The following RNLS variants were observed in gnomAD, a reference collection of about 807,000 sequenced individuals.
The protein encoded by RNLS is renalase, FAD dependent amine oxidase.
In RNLS, 39 loss-of-function variants were observed where a neutral mutation model predicts 39.8. The observed-to-expected ratio is 0.98, with a 90% CI of 0.76 to 1.28. The LOEUF is 1.28. Among genes scored for constraint, RNLS ranks in the 50% most tolerant of loss-of-function variants. The pLI, the probability that RNLS is intolerant of heterozygous loss-of-function variation, is 0.00. For missense variants in RNLS, 410 were observed against 413.3 expected (o/e 0.99, Z 0.07); for synonymous variants, 147 against 150.7 (o/e 0.98, Z 0.18).
chr10:88,377,352 CAATTA>C (rs1472641844), intron 4 of RNLS, among the ~76,000 whole-genome samples: 3 of 151,924 alleles, frequency 2.0e-5, no homozygotes, highest in African/African-American at 7.3e-5. Context: ...GGAAAAAATG[CAATTA>C]AATTTATGTT....
rs537334011 is a variant in RNLS at position 88,557,545 on chromosome 10, T to C, written c.526+15358A>G. ...TACAAAACTACTTATATAAGATACATTTGTGAAGAAAAAAAACAAATTTGG... is the reference window on the plus strand; with the variant it reads ...TACAAAACTACTTATATAAGATACACTTGTGAAGAAAAAAAACAAATTTGG... On this transcript the variant is annotated intron_variant, in intron 4 of 6. Coordinates refer to ENST00000331772, the MANE Select transcript of RNLS (RefSeq NM_001031709.3). 2.6e-5 allele frequency among the ~76,000 whole-genome samples: 4 copies of C among 152,244 alleles called. No individual in the cohort carries two copies. The East Asian group carries it at 7.7e-4, about 29-fold the overall frequency.
chr10:88,303,846 AG>A (rs1199311371), intron 6 of RNLS, among the ~76,000 whole-genome samples: 2 of 152,182 alleles, frequency 1.3e-5, no homozygotes, highest in Non-Finnish European at 2.9e-5. Flanking sequence ...CCCTGCCCCC[AG>A]GCCAAGACCA....
intron 4 of RNLS, among the ~76,000 whole-genome samples, chr10:88,447,133 A>G (rs1258237743): frequency 6.6e-6 from 1 of 152,224 alleles, no homozygotes; most frequent in African/African-American, 2.4e-5. Context: ...CACCATTCCT[A>G]TTCAACACAG....
intron 6 of RNLS, among the ~76,000 whole-genome samples, chr10:88,300,047 T>C (rs1469548325): frequency 6.6e-6 from 1 of 152,172 alleles, no homozygotes; most frequent in African/African-American, 2.4e-5. Context: ...ACTCAAAAAA[T>C]TACTGCAGTG....
the RNLS span, among the ~76,000 whole-genome samples, chr10:88,262,649 C>G: frequency 3.9e-5 from 6 of 152,140 alleles, no homozygotes; most frequent in African/African-American, 1.4e-4. Context: ...TAGGCACTAC[C>G]AAGCTTACTC....
chr10:88,415,906 C>G (rs1012691843), intron 4 of RNLS, among the ~76,000 whole-genome samples: 1 of 152,164 alleles, frequency 6.6e-6, no homozygotes, highest in African/African-American at 2.4e-5. Context: ...GTTTTCTCCT[C>G]CCTGTGACTG....
intron 4 of RNLS, among the ~76,000 whole-genome samples, chr10:88,381,369 T>A (rs1428968185): frequency 6.6e-6 from 1 of 151,564 alleles, no homozygotes; most frequent in Non-Finnish European, 1.5e-5. Flanking sequence ...TATTCCTAGG[T>A]AGTCTGTTGT....
intron 6 of RNLS, among the ~76,000 whole-genome samples, chr10:88,310,801 CA>C (rs577838661): frequency 0.011 from 221 of 19,594 alleles, 1 homozygote; most frequent in East Asian, 0.071. Context: ...CTACCTCTGC[CA>C]AAAAAAAAAA....
intron 4 of RNLS, among the ~76,000 whole-genome samples, chr10:88,479,421 T>C (rs1192545429): frequency 6.6e-5 from 10 of 152,210 alleles, no homozygotes; most frequent in Admixed American, 5.9e-4. Context: ...GAAAATTATA[T>C]ACAGTTTTCT....
the RNLS span, among the ~76,000 whole-genome samples, chr10:88,185,600 T>C: frequency 6.6e-6 from 1 of 152,142 alleles, no homozygotes; most frequent in Non-Finnish European, 1.5e-5. Flanking sequence ...ATGTCTATTT[T>C]GGTCCATTTT....
rs557303398 is a variant in RNLS, at chr10:88,487,944, A to G, written c.526+84959T>C. Among the ~76,000 whole-genome samples, 11 of 152,330 alleles carry G rather than the reference A, an allele frequency of 7.2e-5. No individual in the cohort carries two copies. In the South Asian group the frequency reaches 2.3e-3, roughly 32 times the overall value. On this transcript the variant is annotated intron_variant, in intron 4 of 6. Transcript: ENST00000331772. ...AATAATGCAGATGATTCCTCAAATT[A>G]TTGTGAGTAAAGAACTAAGACAAGA...
intron 4 of RNLS, among the ~76,000 whole-genome samples, chr10:88,428,367 T>A (rs533147110): frequency 1.3e-5 from 2 of 151,962 alleles, no homozygotes; most frequent in South Asian, 4.1e-4. Flanking sequence ...TTCATTTACC[T>A]TTCTCAAATT....
At chr10:88,573,361 G>C (rs1372890146) in intron 3 of RNLS, among the ~76,000 whole-genome samples, 1 of 152,182 alleles carries the variant, frequency 6.6e-6, no homozygotes, top group African/African-American at 2.4e-5. Flanking sequence ...TATGCCAGCT[G>C]CTTGGTACAC....
At chr10:88,442,053 G>T (rs575099800) in intron 4 of RNLS, among the ~76,000 whole-genome samples, 2 of 152,324 alleles carry the variant, frequency 1.3e-5, no homozygotes, top group South Asian at 2.1e-4. Context: ...AGGAGGCTGG[G>T]AACATTTCTT....
chr10:88,248,674 G>T, the RNLS span, among the ~76,000 whole-genome samples: 1 of 152,122 alleles, frequency 6.6e-6, no homozygotes, highest in East Asian at 1.9e-4. Flanking sequence ...GGTGGGGTCA[G>T]CCCCTTTGGT....
chr10:88,177,714 A>G, the RNLS span, among the ~76,000 whole-genome samples: 5 of 152,208 alleles, frequency 3.3e-5, no homozygotes, highest in Admixed American at 6.5e-5. Flanking sequence ...CACTTCTTCC[A>G]ATTCTATAGA....
intron 5 of RNLS, among the ~76,000 whole-genome samples, chr10:88,353,639 T>C (rs1260064973): frequency 6.6e-6 from 1 of 152,232 alleles, no homozygotes; most frequent in Non-Finnish European, 1.5e-5. Context: ...AACTATGTGG[T>C]CAATTTTGGA....
chr10:88,583,139 C>T lies in RNLS; in HGVS notation c.52G>A (p.Ala18Thr). Residue 18 changes from alanine (A) to threonine (T), a missense_variant, in exon 1 of 7, where the codon GCG becomes ACG. By Grantham distance (58) the Ala-to-Thr change is moderately conservative (BLOSUM62 0). Coordinates refer to ENST00000331772, the MANE Select transcript of RNLS (RefSeq NM_001031709.3). The stretch of plus-strand genomic sequence containing the variant: ...CCGGACGTCTGCCTCCTCAGCAGCG[C>T]AGCGCACAAGCTTCCTGTCATCCCG... ...GAGMTGSLCA[A>T]LLRRQTSGPL... The T allele has an allele frequency of 1.9e-6, 3 of 1,614,102 alleles. No individual in the cohort carries two copies. The highest frequency in any genetic ancestry group is 2.2e-5 in the East Asian group (1 of 44,874).
At chr10:88,190,143 C>T in the RNLS span, among the ~76,000 whole-genome samples, 1 of 152,226 alleles carries the variant, frequency 6.6e-6, no homozygotes, top group African/African-American at 2.4e-5. Flanking sequence ...TCTGAGTCTT[C>T]CCTGCCTTCA....
Sources: gnomAD v4.1 joint callset for allele counts (sites outside exome capture counted in the v4.1 genomes callset) on GRCh38, gnomAD v4.1.1 for gene constraint, MANE v1.5 for transcripts, NCBI Gene and HGNC (gene_info 2026-07-23, HGNC 2026-07-21) for gene names.